MYO16: variants seen among roughly 807,000 people sequenced by gnomAD.
MYO16 encodes the protein myosin XVI.
A neutral mutation model predicts 205.3 loss-of-function variants in MYO16; 94 were observed. The ratio of observed to expected loss-of-function variants is 0.46; its 90% CI spans 0.39 to 0.54. The LOEUF (loss-of-function observed/expected upper bound fraction) is 0.54. Ranked by LOEUF, MYO16 falls within the 20% of genes least tolerant of loss-of-function variation. The pLI, the probability that MYO16 is intolerant of heterozygous loss-of-function variation, is 0.00. For missense variants in MYO16, 2,315 were observed against 2,387.5 expected (o/e 0.97, Z 0.63); for synonymous variants, 988 against 954.0 (o/e 1.04, Z -0.66).
At chr13:108,630,994 C>T (rs973940558) in intron 1 of MYO16, among the ~76,000 whole-genome samples, 1 of 152,122 alleles carries the variant, frequency 6.6e-6, no homozygotes, top group African/African-American at 2.4e-5. Context: ...CTGGTCATCT[C>T]GTAAGTTTGC....
At chr13:108,633,538 G>A (rs1880082877) in intron 1 of MYO16, among the ~76,000 whole-genome samples, 1 of 152,114 alleles carries the variant, frequency 6.6e-6, no homozygotes, top group African/African-American at 2.4e-5. Flanking sequence ...ACTGGCAGCT[G>A]ATCAGATGGT....
At chr13:108,762,451 C>CT (rs1184065126) in intron 4 of MYO16, among the ~76,000 whole-genome samples, 3 of 152,068 alleles carry the variant, frequency 2.0e-5, no homozygotes, top group Non-Finnish European at 4.4e-5. Flanking sequence ...ACTAAGTTAC[C>CT]TTCCCGCCAA....
chr13:109,070,141 A>G (rs1887880905), intron 27 of MYO16, among the ~76,000 whole-genome samples: 1 of 152,210 alleles, frequency 6.6e-6, no homozygotes, highest in Non-Finnish European at 1.5e-5. Context: ...ACAAGGAACA[A>G]TTAATAATTT....
At position 108,777,498 on chromosome 13, in the gene MYO16, A is replaced by C. The variant is rs113500328; in HGVS notation, c.508-8137A>C. 4.1e-3 allele frequency among the ~76,000 whole-genome samples: 618 copies of C among 152,292 alleles called. 3 individuals carry two copies. The highest frequency in any genetic ancestry group is 0.013 in the African/African-American group (555 of 41,560). ...TAGACCCTTTTAGAGAGGATGTGGC[A>C]GTGGCCTCTGCATGGTGGGGAAATT... On this transcript the variant is annotated intron_variant, in intron 4 of 34. Transcript: ENST00000457511.
intron 32 of MYO16, among the ~76,000 whole-genome samples, chr13:109,154,911 G>GA (rs59465499): frequency 0.072 from 4,511 of 62,592 alleles, 587 homozygotes; most frequent in African/African-American, 0.12. Flanking sequence ...GGCTAATTAT[G>GA]AAAAAAAAAA....
chr13:108,894,325 A>C (rs1880313597), intron 14 of MYO16, among the ~76,000 whole-genome samples: 1 of 152,166 alleles, frequency 6.6e-6, no homozygotes, highest in Non-Finnish European at 1.5e-5. Context: ...GGTGGTCTTC[A>C]TTGTAGTATT....
intron 1 of MYO16, among the ~76,000 whole-genome samples, chr13:108,660,998 C>T (rs1881477955): frequency 1.3e-5 from 2 of 152,132 alleles, no homozygotes; most frequent in African/African-American, 4.8e-5. Context: ...ATTCTGTTAG[C>T]ATTTGTTTGT....
At chr13:108,754,579 TG>T (rs1885360972) in intron 4 of MYO16, among the ~76,000 whole-genome samples, 1 of 152,180 alleles carries the variant, frequency 6.6e-6, no homozygotes, top group Non-Finnish European at 1.5e-5. Context: ...GATTTAAAAA[TG>T]GTTTCTTGAC....
rs116757905 is a variant in MYO16, at chr13:108,866,027, A to G, written c.1360-150A>G. ...ATTTTAAATTCCAAACTTTAAAAAA[A>G]TTGCAAAATATTAAAAAATAGCAAA... On this transcript the variant is annotated intron_variant, in intron 11 of 34. Transcript: ENST00000457511. 4.4e-3 allele frequency: 1,951 copies of G among 442,194 alleles called. 27 individuals are homozygous for G. Among genetic ancestry groups the G allele is most frequent in the African/African-American group, 0.036 (1,771 of 49,240 alleles). 27.4% of individuals were successfully genotyped at this position (442,194 alleles called of 1,614,324 possible).
At chr13:108,629,517 AT>A (rs1879877161), upstream of MYO16, 3 of 265,300 alleles carry the variant, frequency 1.1e-5, no homozygotes, top group African/African-American at 2.2e-5. Context: ...GTGCAGCAGA[AT>A]GTGGCTGCAT....
intron 28 of MYO16, among the ~76,000 whole-genome samples, chr13:109,102,640 A>G (rs1198735759): frequency 6.6e-6 from 1 of 152,096 alleles, no homozygotes; most frequent in African/African-American, 2.4e-5. Context: ...GGCAGTAACC[A>G]CAATATCTGA....
chr13:108,806,750 C>A lies in MYO16; in HGVS notation c.813C>A (p.Asn271Lys). 1 of 1,613,238 alleles carries A rather than the reference C, an allele frequency of 6.2e-7. No homozygotes were observed. Among genetic ancestry groups the A allele is most frequent in the Non-Finnish European group, 8.5e-7 (1 of 1,179,332 alleles). The change falls in exon 7 of 35, where the codon AAC (asparagine) becomes AAA (lysine). Residue 271 changes from asparagine to lysine, a missense_variant. Transcript: ENST00000457511. The part of the protein sequence containing the change: ...SLILEHGGDL[N>K]IVDDQYWTPL... ...TCCTGGAACATGGTGGAGACCTCAA[C>A]ATAGTAGATGATCAGTACTGGACTC...
the MYO16 span, among the ~76,000 whole-genome samples, chr13:108,507,914 G>C: frequency 6.6e-6 from 1 of 151,040 alleles, no homozygotes; most frequent in Non-Finnish European, 1.5e-5. Flanking sequence ...TCTTTTGCTT[G>C]GCCAAGTCTG....
chr13:108,700,198 T>C (rs1041719288), intron 2 of MYO16, among the ~76,000 whole-genome samples: 29 of 152,040 alleles, frequency 1.9e-4, no homozygotes, highest in African/African-American at 6.3e-4. Flanking sequence ...CCGGGTGTGG[T>C]GGCAGACTCC....
chr13:109,140,839 G>A lies in MYO16; in HGVS notation c.4627G>A (p.Val1543Ile), dbSNP rs374058525. The A allele has an allele frequency of 1.3e-6, 2 of 1,596,598 alleles. No individual in the cohort carries two copies. The highest frequency in any genetic ancestry group is 1.7e-6 in the Non-Finnish European group (2 of 1,173,288). ...LTPLEVKKLP[V>I]LETNLKYPVQ... ...ACCCCTGGAGGTGAAGAAGCTGCCA[G>A]TCCTGGAGACCAACCTCAAGTACCC... The change falls in exon 32 of 35, where the codon GTC becomes ATC. Residue 1543 changes from valine (V) to isoleucine (I), a missense_variant. Physicochemically the swap from Val to Ile is conservative, Grantham distance 29. Transcript: ENST00000457511. The surrounding 1 kb of genome is among the most constrained non-coding windows in gnomAD (Gnocchi z 8.0).
chr13:108,496,706 A>G, the MYO16 span, among the ~76,000 whole-genome samples: 1 of 152,242 alleles, frequency 6.6e-6, no homozygotes, highest in Non-Finnish European at 1.5e-5. Flanking sequence ...ATTTACAGAA[A>G]AGCAGTAGCT....
Position 109,206,204 on chromosome 13 carries a change from G to A in MYO16, c.5416-405G>A, listed in dbSNP as rs751562160. 3.3e-5 allele frequency among the ~76,000 whole-genome samples: 5 copies of A among 152,122 alleles called. No homozygotes were observed. The East Asian group carries it at 7.7e-4, about 23-fold the overall frequency. On this transcript the variant is annotated intron_variant, in intron 34 of 34. Transcript: ENST00000457511. ...TGTGGACAGATGGAGGAGCAGCTCC[G>A]AGGATGGAGTGACGCTTGAGGAAGC...
chr13:108,654,588 C>T (rs1881158350), intron 1 of MYO16, among the ~76,000 whole-genome samples: 1 of 152,014 alleles, frequency 6.6e-6, no homozygotes. Context: ...AAAACATACC[C>T]GAAAATGTGG....
At chr13:108,833,533 G>A (rs1274280274) in intron 9 of MYO16, among the ~76,000 whole-genome samples, 1 of 152,068 alleles carries the variant, frequency 6.6e-6, no homozygotes. Flanking sequence ...ATCTGTTTCT[G>A]TTAGTTTTTG....
Sources: allele counts gnomAD v4.1 joint callset (sites outside exome capture counted in the v4.1 genomes callset), GRCh38; gene constraint gnomAD v4.1.1; non-coding constraint Gnocchi (gnomAD v3.1); transcripts MANE v1.5; gene names NCBI Gene and HGNC (gene_info 2026-07-23, HGNC 2026-07-21).